PRIM2: variants seen among roughly 807,000 people sequenced by gnomAD.
PRIM2 encodes DNA primase subunit 2.
A neutral mutation model predicts 67.3 loss-of-function variants in PRIM2; 39 were observed. The ratio of observed to expected loss-of-function variants is 0.58; its 90% confidence interval spans 0.45 to 0.76. The LOEUF is 0.76. PRIM2 is among the 30% of genes least tolerant of loss of function. The probability of loss-of-function intolerance (pLI) is 0.00; values close to 1 mark genes in which losing one functional copy is unlikely to be tolerated. For missense variants in PRIM2, 398 were observed against 598.7 expected (o/e 0.66, Z 3.50); for synonymous variants, 143 against 198.7 (o/e 0.72, Z 2.36).
intron 5 of PRIM2, among the ~76,000 whole-genome samples, chr6:57,355,432 G>T (rs1245868547): frequency 6.6e-6 from 1 of 152,152 alleles, no homozygotes; most frequent in Non-Finnish European, 1.5e-5. Flanking sequence ...GCAGGAAACA[G>T]ACAACAGGTA....
At chr6:57,374,555 G>A (rs1769688930) in intron 5 of PRIM2, among the ~76,000 whole-genome samples, 1 of 150,222 alleles carries the variant, frequency 6.7e-6, no homozygotes, top group Middle Eastern at 3.3e-3. Context: ...GCCTCCCAAA[G>A]TGCTGGGATT....
chr6:57,461,200 A>G (rs1772992076), intron 7 of PRIM2, among the ~76,000 whole-genome samples: 1 of 152,220 alleles, frequency 6.6e-6, no homozygotes, highest in Non-Finnish European at 1.5e-5. Context: ...AACCTATTCC[A>G]TGAACCCTTG....
intron 5 of PRIM2, among the ~76,000 whole-genome samples, chr6:57,369,606 C>T (rs532297152): frequency 6.6e-6 from 1 of 152,242 alleles, no homozygotes; most frequent in African/African-American, 2.4e-5. Flanking sequence ...GAAGGTTGAG[C>T]ATCTCTAAAA....
chr6:57,260,239 T>C, the PRIM2 span, among the ~76,000 whole-genome samples: 1 of 152,156 alleles, frequency 6.6e-6, no homozygotes, highest in Non-Finnish European at 1.5e-5. Context: ...AACAAAAGCA[T>C]ATAGTGGAGC....
chr6:57,240,825 A>C, the PRIM2 span, among the ~76,000 whole-genome samples: 1 of 152,180 alleles, frequency 6.6e-6, no homozygotes, highest in Admixed American at 6.5e-5. Context: ...ACAGTGGCTC[A>C]CACCTGTAAT....
intron 7 of PRIM2, among the ~76,000 whole-genome samples, chr6:57,485,012 A>G (rs1389735683): frequency 6.6e-6 from 1 of 152,182 alleles, no homozygotes. Context: ...GTACTCAAAA[A>G]AGTACTGTTG....
chr6:57,457,018 C>G (rs984936654), intron 7 of PRIM2, among the ~76,000 whole-genome samples: 1 of 152,196 alleles, frequency 6.6e-6, no homozygotes, highest in South Asian at 2.1e-4. Flanking sequence ...TCAGGACCCT[C>G]AGCTGCAGGT....
chr6:57,426,779 A>G (rs530005614), intron 7 of PRIM2, among the ~76,000 whole-genome samples: 13 of 152,298 alleles, frequency 8.5e-5, no homozygotes, highest in Non-Finnish European at 1.8e-4. Context: ...ATACATTTTG[A>G]TATAGTTTTG....
chr6:57,448,442 A>G (rs2191653), intron 7 of PRIM2, among the ~76,000 whole-genome samples: 2 of 152,330 alleles, frequency 1.3e-5, no homozygotes, highest in South Asian at 2.1e-4. Flanking sequence ...AGCTTTATTC[A>G]GAGCCAATAT....
At chr6:57,489,766 A>G (rs1274659568) in intron 7 of PRIM2, among the ~76,000 whole-genome samples, 1 of 152,276 alleles carries the variant, frequency 6.6e-6, no homozygotes, top group African/African-American at 2.4e-5. Context: ...AAACTACAGA[A>G]GTAAGAGGAA....
chr6:57,591,886 A>T (rs1406248692), intron 10 of PRIM2, among the ~76,000 whole-genome samples: 1 of 151,838 alleles, frequency 6.6e-6, no homozygotes, highest in Non-Finnish European at 1.5e-5. Context: ...TTATCACAGC[A>T]CTCCTCACAA....
At chr6:57,525,304 TG>T (rs2127465722) in intron 8 of PRIM2, among the ~76,000 whole-genome samples, 1 of 152,326 alleles carries the variant, frequency 6.6e-6, no homozygotes, top group Non-Finnish European at 1.5e-5. Flanking sequence ...TTTATGAACC[TG>T]GTCAAAATGT....
intron 10 of PRIM2, among the ~76,000 whole-genome samples, chr6:57,598,102 C>CT (rs1776400526): frequency 6.6e-6 from 1 of 152,116 alleles, no homozygotes; most frequent in African/African-American, 2.4e-5. Context: ...TTGAAAATGA[C>CT]TTGTTATTTG....
chr6:57,441,007 C>G (rs945048257), intron 7 of PRIM2, among the ~76,000 whole-genome samples: 2 of 152,096 alleles, frequency 1.3e-5, no homozygotes, highest in African/African-American at 2.4e-5. Context: ...GACTTAGCAA[C>G]TGTGAAAGCT....
intron 11 of PRIM2, among the ~76,000 whole-genome samples, chr6:57,605,355 ATTC>A (rs1776541218): frequency 6.6e-6 from 1 of 152,174 alleles, no homozygotes; most frequent in African/African-American, 2.4e-5. Flanking sequence ...ATTGGTACCA[ATTC>A]TTCTTTGTAC....
rs1308863165 is a variant in PRIM2 at position 57,642,692 on chromosome 6, C to T, written c.1300-3236C>T. On this transcript the variant is annotated intron_variant, in intron 13 of 13. Coordinates refer to ENST00000615550, the MANE Select transcript of PRIM2 (RefSeq NM_000947.5). Reference sequence around the variant, plus strand: ...TCCTGACCTCGTGATCCGCCCGTCTCGGCCTCCCAAAGTGCTGGGATTACA... The same window carrying T: ...TCCTGACCTCGTGATCCGCCCGTCTTGGCCTCCCAAAGTGCTGGGATTACA... Among the ~76,000 whole-genome samples, 255 of 152,122 alleles carry T rather than the reference C, an allele frequency of 1.7e-3. 1 individual carries two copies. Among genetic ancestry groups the T allele is most frequent in the African/African-American group, 5.8e-3 (242 of 41,522 alleles).
intron 3 of PRIM2, among the ~76,000 whole-genome samples, chr6:57,322,417 A>G (rs1767690922): frequency 6.6e-6 from 1 of 152,114 alleles, no homozygotes; most frequent in African/African-American, 2.4e-5. Flanking sequence ...CATAATCCCC[A>G]TGTGTCATGG....
At chr6:57,340,675 C>A (rs374600267) in intron 5 of PRIM2, among the ~76,000 whole-genome samples, 1 of 151,570 alleles carries the variant, frequency 6.6e-6, no homozygotes, top group African/African-American at 2.4e-5. Flanking sequence ...ATGGACACAG[C>A]AAGGGGAACA....
At chr6:57,349,817 A>C (rs1248571420) in intron 5 of PRIM2, among the ~76,000 whole-genome samples, 1 of 152,172 alleles carries the variant, frequency 6.6e-6, no homozygotes, top group Admixed American at 6.5e-5. Context: ...TTGCCTTGCT[A>C]ATACTAAAGT....
Sources: allele counts gnomAD v4.1 joint callset (sites outside exome capture counted in the v4.1 genomes callset), GRCh38; gene constraint gnomAD v4.1.1; transcripts MANE v1.5; gene names NCBI Gene and HGNC (gene_info 2026-07-23, HGNC 2026-07-21).